USP6NL: variants seen among roughly 807,000 people sequenced by gnomAD.
The protein encoded by USP6NL is USP6 N-terminal like.
In USP6NL, 26 loss-of-function variants were observed where a neutral mutation model predicts 61.9. That is an observed-to-expected ratio of 0.42 (90% CI 0.31 to 0.58). USP6NL has a LOEUF of 0.58. Among genes scored for constraint, USP6NL ranks in the 20% least tolerant of loss-of-function variants. USP6NL has a pLI of 0.16. For synonymous variants in USP6NL, 432 were observed against 390.1 expected (o/e 1.11, Z -1.27); for missense variants, 1,114 against 1,034.3 (o/e 1.08, Z -1.06).
intron 8 of USP6NL, 140 bp downstream of exon 8, chr10:11,492,979 C>G (rs938811561): frequency 7.8e-6 from 5 of 639,230 alleles, no homozygotes; most frequent in African/African-American, 1.8e-5. Flanking sequence ...TTTCACACAA[C>G]ATGGACGCAA....
At chr10:11,522,783 C>A (rs1418246696) in intron 4 of USP6NL, among the ~76,000 whole-genome samples, 4 of 152,160 alleles carry the variant, frequency 2.6e-5, no homozygotes, top group Admixed American at 6.5e-5. Flanking sequence ...CTTTAAATTT[C>A]TTTCTAGGCA....
At chr10:11,573,218 G>C (rs1837424457) in intron 2 of USP6NL, among the ~76,000 whole-genome samples, 1 of 152,060 alleles carries the variant, frequency 6.6e-6, no homozygotes, top group South Asian at 2.1e-4. Flanking sequence ...CAGAATCCTA[G>C]CTTGTTCTCT....
chr10:11,546,612 T>A (rs918844129), intron 2 of USP6NL, among the ~76,000 whole-genome samples: 3 of 152,084 alleles, frequency 2.0e-5, no homozygotes, highest in African/African-American at 7.2e-5. Context: ...GAGAAGGGGT[T>A]TCATCATATT....
chr10:11,480,583 G>C (rs1368414790), intron 14 of USP6NL, among the ~76,000 whole-genome samples: 3 of 152,206 alleles, frequency 2.0e-5, no homozygotes, highest in Non-Finnish European at 4.4e-5. Context: ...CTGCTGTGAG[G>C]GTTGCTTCCT....
rs1258775390 is a variant in USP6NL at position 11,574,604 on chromosome 10, TG to T, written c.4+23026del. 1.3e-5 allele frequency among the ~76,000 whole-genome samples: 2 copies of T among 152,234 alleles called. No homozygotes were observed. Among genetic ancestry groups the T allele is most frequent in the African/African-American group, 4.8e-5 (2 of 41,462 alleles). The stretch of plus-strand genomic sequence containing the variant: ...GAGAAAAATGACACTCAGGTGAACA[TG>T]GCTAAATGCTATGTTTATTAAACTG... On this transcript the variant is annotated intron_variant, in intron 2 of 14. Coordinates refer to ENST00000609104, the MANE Select transcript of USP6NL (RefSeq NM_014688.5). This position sits in a 1 kb window ranked among gnomAD's most constrained non-coding sequence, Gnocchi z 4.3.
intron 14 of USP6NL, among the ~76,000 whole-genome samples, chr10:11,469,858 G>C (rs1456331683): frequency 6.6e-6 from 1 of 152,160 alleles, no homozygotes; most frequent in Admixed American, 6.5e-5. Context: ...ATACTAACAA[G>C]TATAGCCCGT....
rs541001916 is a variant in USP6NL at position 11,477,074 on chromosome 10, G to A, written c.1078+4696C>T. On this transcript the variant is annotated intron_variant, in intron 14 of 14. Transcript: ENST00000609104. The stretch of plus-strand genomic sequence containing the variant: ...TTTAGTAGAGACAGGGTTTCATCAC[G>A]TTGGCCAGCCTGGTCTTGAGCTCCT... 1.2e-3 allele frequency among the ~76,000 whole-genome samples: 187 copies of A among 152,184 alleles called. 4 individuals carry two copies. The highest frequency in any genetic ancestry group is 0.012 in the Admixed American group (181 of 15,290).
chr10:11,568,735 C>A (rs1188138817), intron 2 of USP6NL, among the ~76,000 whole-genome samples: 1 of 152,154 alleles, frequency 6.6e-6, no homozygotes, highest in Admixed American at 6.5e-5. Flanking sequence ...TGTTTCTTCT[C>A]CCCCATATTG....
At chr10:11,590,353 C>T (rs116798386) in intron 2 of USP6NL, among the ~76,000 whole-genome samples, 1,594 of 152,242 alleles carry the variant, frequency 0.01, 33 homozygotes, top group African/African-American at 0.034. Flanking sequence ...CAATGGCACC[C>T]ATCACATACA....
chr10:11,608,774 T>C (rs980495531), intron 1 of USP6NL, among the ~76,000 whole-genome samples: 1 of 152,220 alleles, frequency 6.6e-6, no homozygotes, highest in African/African-American at 2.4e-5. Context: ...GAATTTACGA[T>C]CCTCCCCAAT....
chr10:11,530,141 T>G (rs1835595262), intron 2 of USP6NL, among the ~76,000 whole-genome samples: 1 of 150,284 alleles, frequency 6.7e-6, no homozygotes, highest in South Asian at 2.1e-4. Context: ...AAATTCAAAT[T>G]AAGAGAATCT....
Position 11,513,205 on chromosome 10 carries a change from G to A in USP6NL, c.196-3530C>T, listed in dbSNP as rs1291985015. On this transcript the variant is annotated intron_variant, in intron 5 of 14. Transcript: ENST00000609104. This position sits in a 1 kb window ranked among gnomAD's most constrained non-coding sequence, Gnocchi z 4.7. ...TAATAACATTCTGTGGTCTCAAGGT[G>A]GAGGGGTGGGAAGTAGAATGAATAT... Among the ~76,000 whole-genome samples the A allele has an allele frequency of 6.6e-6, 1 of 152,194 alleles. No homozygotes were observed. The highest frequency in any genetic ancestry group is 1.5e-5 in the Non-Finnish European group (1 of 68,036).
intron 2 of USP6NL, among the ~76,000 whole-genome samples, chr10:11,555,109 GT>G (rs1187617728): frequency 2.8e-4 from 24 of 85,584 alleles, no homozygotes; most frequent in African/African-American, 3.8e-4. Context: ...TTTTTTTTTG[GT>G]TTTTTTTTTT....
Position 11,527,537 on chromosome 10 carries a change from G to A in USP6NL, c.35C>T (p.Ala12Val). The change falls in exon 3 of 15, where the codon GCC (alanine) becomes GTC (valine). Residue 12 changes from alanine to valine, a missense_variant. Physicochemically the swap from Ala to Val is moderately conservative, Grantham distance 64 (BLOSUM62 0). Transcript: ENST00000609104. The stretch of plus-strand genomic sequence containing the variant: ...AGCAACTATTTCAGCTCGCTCCTGG[G>A]CAAGTTTGAGTGCTACATCCTGGTC... ...NSDQDVALKL[A>V]QERAEIVAKY... The A allele has an allele frequency of 6.2e-7, 1 of 1,609,226 alleles. No individual in the cohort carries two copies. The highest frequency in any genetic ancestry group is 8.5e-7 in the Non-Finnish European group (1 of 1,177,650).
intron 14 of USP6NL, among the ~76,000 whole-genome samples, chr10:11,472,081 C>G (rs1832775741): frequency 1.3e-5 from 2 of 151,988 alleles, no homozygotes; most frequent in African/African-American, 4.8e-5. Flanking sequence ...TTATATTTCT[C>G]ATTGGTGTTT....
chr10:11,596,534 G>A lies in USP6NL; in HGVS notation c.4+1097C>T, dbSNP rs980736453. 6.6e-6 allele frequency among the ~76,000 whole-genome samples: 1 copy of A among 151,602 alleles called. No individual in the cohort carries two copies. Among genetic ancestry groups the A allele is most frequent in the African/African-American group, 2.4e-5 (1 of 41,222 alleles). Reference sequence around the variant, plus strand: ...AGCTACTCGGGAGGCTGAGGCAGGAGAATGGCGCGAACCCAGGAGGTGGAG... The same window carrying A: ...AGCTACTCGGGAGGCTGAGGCAGGAAAATGGCGCGAACCCAGGAGGTGGAG... On this transcript the variant is annotated intron_variant, in intron 2 of 14. Transcript: ENST00000609104. The surrounding 1 kb of genome is among the most constrained non-coding windows in gnomAD (Gnocchi z 4.1).
At chr10:11,479,804 T>C (rs900721673) in intron 14 of USP6NL, among the ~76,000 whole-genome samples, 8 of 152,150 alleles carry the variant, frequency 5.3e-5, no homozygotes, top group African/African-American at 1.9e-4. Flanking sequence ...CTCGGTCTCC[T>C]GACCTCGTGA....
At chr10:11,577,775 ACAGGTGTGAG>A (rs1472962897) in intron 2 of USP6NL, among the ~76,000 whole-genome samples, 6 of 152,134 alleles carry the variant, frequency 3.9e-5, no homozygotes, top group Non-Finnish European at 8.8e-5. Flanking sequence ...TACTGGGATT[ACAGGTGTGAG>A]CCACCAGGCC....
intron 2 of USP6NL, among the ~76,000 whole-genome samples, chr10:11,567,685 T>C (rs1233413793): frequency 6.6e-6 from 1 of 152,126 alleles, no homozygotes; most frequent in Non-Finnish European, 1.5e-5. Flanking sequence ...ATCTAAGAGA[T>C]CAGAAGAGCA....
Sources: gnomAD v4.1 joint callset for allele counts (sites outside exome capture counted in the v4.1 genomes callset) on GRCh38, gnomAD v4.1.1 for gene constraint, Gnocchi (gnomAD v3.1) non-coding constraint, MANE v1.5 for transcripts, NCBI Gene and HGNC (gene_info 2026-07-23, HGNC 2026-07-21) for gene names.